The following DHX35 variants were observed in gnomAD, a reference collection of about 807,000 sequenced individuals.
The protein encoded by DHX35 is probable ATP-dependent RNA helicase DHX35.
A neutral mutation model predicts 99.6 loss-of-function variants in DHX35; 84 were observed. The observed-to-expected ratio is 0.84, with a 90% CI of 0.71 to 1.01. The LOEUF is 1.01. DHX35 is among the 50% of genes least tolerant of loss of function. The pLI is 0.00. For synonymous variants in DHX35, 331 were observed against 316.2 expected (o/e 1.05, Z -0.50); for missense variants, 852 against 888.5 (o/e 0.96, Z 0.52).
chr20:39,018,192 T>C (rs1490089009), intron 14 of DHX35, among the ~76,000 whole-genome samples: 1 of 152,074 alleles, frequency 6.6e-6, no homozygotes, highest in Non-Finnish European at 1.5e-5. Context: ...CCAAACCATA[T>C]CACTCATTTA....
intron 14 of DHX35, among the ~76,000 whole-genome samples, chr20:39,015,593 A>G (rs1476184751): frequency 6.6e-6 from 1 of 152,216 alleles, no homozygotes; most frequent in African/African-American, 2.4e-5. Flanking sequence ...CCACAAATGA[A>G]TATAATTTCC....
At position 38,992,409 on chromosome 20, in the gene DHX35, T is replaced by C. The variant is rs36053162; in HGVS notation, c.566T>C (p.Ile189Thr). The change falls in exon 7 of 22, where the codon ATT becomes ACT. Residue 189 changes from isoleucine (I) to threonine (T), a missense_variant. Ile to Thr is a moderately conservative substitution (Grantham distance 89). Coordinates refer to ENST00000252011, the MANE Select transcript of DHX35 (RefSeq NM_021931.4). ...HERTLYTDIA[I>T]GLLKKIQKKR... ...AGGACCTTGTACACTGACATTGCCA[T>C]TGGCTTGCTAAAAAAGGTATGACTT... is the stretch of plus-strand genomic sequence containing the variant. 0.038 allele frequency: 61,400 copies of C among 1,613,890 alleles called. 1,395 individuals are homozygous for C. The highest frequency in any genetic ancestry group is 0.047 in the Middle Eastern group (282 of 6,062).
intron 8 of DHX35, among the ~76,000 whole-genome samples, chr20:38,997,099 C>T (rs768567101): frequency 6.6e-6 from 1 of 151,276 alleles, no homozygotes; most frequent in African/African-American, 2.4e-5. Flanking sequence ...GACACCAAGT[C>T]TCACTGTCTT....
At chr20:38,992,788 T>A (rs1345219806) in intron 7 of DHX35, among the ~76,000 whole-genome samples, 1 of 152,212 alleles carries the variant, frequency 6.6e-6, no homozygotes, top group Non-Finnish European at 1.5e-5. Context: ...GGCTATTTAA[T>A]CACATCTCTA....
chr20:39,002,549 C>T (rs4812350), intron 9 of DHX35, among the ~76,000 whole-genome samples: 51,248 of 152,086 alleles, frequency 0.34, 8,744 homozygotes, highest in Middle Eastern at 0.51. Flanking sequence ...CATGTTATTT[C>T]TTTCCAAATA....
Position 39,030,718 on chromosome 20 carries a change from A to C in DHX35, c.1898A>C (p.Asp633Ala). The change falls in exon 20 of 22, where the codon GAC (aspartate) becomes GCC (alanine). Residue 633 changes from aspartate (D) to alanine (A), a missense_variant. Coordinates refer to ENST00000252011, the MANE Select transcript of DHX35 (RefSeq NM_021931.4). ...STGAYRTIRD[D>A]HELHIHPASV... ...TATGTTCCAAGGACCATCCGTGATG[A>C]CCATGAGCTGCACATACACCCTGCG... 6.2e-7 allele frequency: 1 copy of C among 1,614,134 alleles called. No homozygotes were observed. The highest frequency in any genetic ancestry group is 8.5e-7 in the Non-Finnish European group (1 of 1,180,028).
intron 3 of DHX35, among the ~76,000 whole-genome samples, chr20:38,976,418 C>CTTTTTTTTTTTTTTTTTTT (rs11468335): frequency 7.5e-6 from 1 of 133,214 alleles, no homozygotes. Flanking sequence ...TATGCCTTGA[C>CTTTTTTTTTTTTTTTTTTT]TTTTTTTTTT....
intron 14 of DHX35, among the ~76,000 whole-genome samples, chr20:39,016,690 T>A (rs1165890460): frequency 6.6e-6 from 1 of 152,118 alleles, no homozygotes; most frequent in African/African-American, 2.4e-5. Context: ...TGCTTGTAAT[T>A]GTCTTTTGTG....
Position 39,021,877 on chromosome 20 carries a change from C to G in DHX35, c.1535C>G (p.Ala512Gly). 1 of 1,614,184 alleles carries G rather than the reference C, an allele frequency of 6.2e-7. No individual in the cohort carries two copies. Among genetic ancestry groups the G allele is most frequent in the Non-Finnish European group, 8.5e-7 (1 of 1,180,014 alleles). ...FGCSQEILSI[A>G]AMMQIQNIFV... is the part of the protein sequence containing the mutation. ...TGTTCTCAGGAAATTCTAAGCATCG[C>G]TGCCATGATGCAGATCCAGAATATC... The change falls in exon 16 of 22, where the codon GCT becomes GGT. Residue 512 changes from alanine to glycine, a missense_variant. Coordinates refer to ENST00000252011, the MANE Select transcript of DHX35 (RefSeq NM_021931.4).
At chr20:39,003,207 C>G (rs1330015898) in intron 10 of DHX35, among the ~76,000 whole-genome samples, 4 of 152,284 alleles carry the variant, frequency 2.6e-5, no homozygotes, top group East Asian at 3.9e-4. Flanking sequence ...CTGTGTACCT[C>G]TTTTTCCAGT....
chr20:39,020,225 C>A (rs1191109360), intron 15 of DHX35, among the ~76,000 whole-genome samples: 2 of 152,196 alleles, frequency 1.3e-5, no homozygotes, highest in Non-Finnish European at 2.9e-5. Flanking sequence ...ATGCAGATAT[C>A]TCCTTGAAAT....
chr20:39,029,811 C>A (rs528182421), intron 19 of DHX35: 2 of 152,156 alleles, frequency 1.3e-5, no homozygotes, highest in Non-Finnish European at 2.9e-5. Flanking sequence ...TGTTGATCAG[C>A]TCACCACCCC....
At chr20:38,996,566 G>C (rs2086432507) in intron 8 of DHX35, among the ~76,000 whole-genome samples, 1 of 152,188 alleles carries the variant, frequency 6.6e-6, no homozygotes, top group South Asian at 2.1e-4. Flanking sequence ...CTGTGTATAG[G>C]AGATGAGAGT....
At chr20:38,964,843 G>C (rs2085887959) in intron 1 of DHX35, among the ~76,000 whole-genome samples, 1 of 152,196 alleles carries the variant, frequency 6.6e-6, no homozygotes, top group Non-Finnish European at 1.5e-5. Flanking sequence ...GTGAAATCCA[G>C]GAGGGATGTT....
intron 8 of DHX35, among the ~76,000 whole-genome samples, chr20:38,995,760 G>A (rs901580889): frequency 8.5e-5 from 13 of 152,210 alleles, no homozygotes; most frequent in South Asian, 2.1e-4. Flanking sequence ...CAGCTGGGGG[G>A]TGTCCAGAAA....
intron 3 of DHX35, chr20:38,977,727 G>T: frequency 2.5e-6 from 1 of 394,952 alleles, no homozygotes; most frequent in Middle Eastern, 8.2e-4. Context: ...TTGCATTTTT[G>T]CTTTAGTGTT....
In DHX35 at chr20:38,972,191, G is replaced by A. The variant is rs143513582; in HGVS notation, c.175-368G>A. ...CGCCCAGCTAATTTTTGTATTTTTAGTAGAGACAGGGTTTCACCATGTTGG... is the reference window on the plus strand; with the variant it reads ...CGCCCAGCTAATTTTTGTATTTTTAATAGAGACAGGGTTTCACCATGTTGG... On this transcript the variant is annotated intron_variant, in intron 2 of 21. Transcript: ENST00000252011. 4.2e-3 allele frequency among the ~76,000 whole-genome samples: 642 copies of A among 152,016 alleles called. 6 individuals are homozygous for A. The highest frequency in any genetic ancestry group is 6.7e-3 in the Non-Finnish European group (455 of 67,966).
In DHX35 at chr20:38,983,740, A is replaced by G. The variant is rs2086208083; in HGVS notation, c.309A>G (p.Val103=). 6.2e-7 allele frequency: 1 copy of G among 1,613,972 alleles called. No individual in the cohort carries two copies. Among genetic ancestry groups the G allele is most frequent in the Admixed American group, 1.7e-5 (1 of 60,004 alleles). The stretch of plus-strand genomic sequence containing the variant: ...GCTGGACAGCTGAAGGAAGAGTGGT[A>G]GGAGTGACCCAGCCTCGAAGAGTGG... ...EAGWTAEGRV[V]GVTQPRRVAA... Residue 103 remains valine, a synonymous_variant, in exon 4 of 22, where the codon GTA becomes GTG. Coordinates refer to ENST00000252011, the MANE Select transcript of DHX35 (RefSeq NM_021931.4).
chr20:38,992,480 C>T, intron 7 of DHX35, 55 bp downstream of exon 7: 1 of 1,539,942 alleles, frequency 6.5e-7, no homozygotes, highest in Non-Finnish European at 9.0e-7. Context: ...TGCCTAATTA[C>T]AAAAGCAACT....
Sources: allele counts gnomAD v4.1 joint callset (sites outside exome capture counted in the v4.1 genomes callset), GRCh38; gene constraint gnomAD v4.1.1; transcripts MANE v1.5; gene names NCBI Gene and HGNC (gene_info 2026-07-23, HGNC 2026-07-21).